Variants in ADAMTS12 observed in about 807,000 individuals in gnomAD.
ADAMTS12 encodes ADAM metallopeptidase with thrombospondin type 1 motif 12.
ADAMTS12 carries 118 observed loss-of-function variants against 167.8 expected under a neutral mutation model. That is an observed-to-expected ratio of 0.70 (90% confidence interval 0.61 to 0.82). ADAMTS12 has a LOEUF of 0.82. Ranked by LOEUF, ADAMTS12 falls within the 40% of genes least tolerant of loss-of-function variation. The pLI, the probability that ADAMTS12 is intolerant of heterozygous loss-of-function variation, is 0.00. For missense variants in ADAMTS12, 1,916 were observed against 1,998.8 expected, an observed-to-expected ratio of 0.96 and a Z score of 0.79; for synonymous variants, 704 against 716.9, an observed-to-expected ratio of 0.98 and a Z score of 0.29.
intron 5 of ADAMTS12, among the ~76,000 whole-genome samples, chr5:33,677,795 G>C (rs576263563): frequency 2.6e-5 from 4 of 152,176 alleles, no homozygotes; most frequent in African/African-American, 9.6e-5. Flanking sequence ...TTTTGTATAC[G>C]TCAGTTACCT....
At chr5:33,642,505 A>AT (rs895485018) in intron 10 of ADAMTS12, among the ~76,000 whole-genome samples, 4 of 152,218 alleles carry the variant, frequency 2.6e-5, no homozygotes, top group African/African-American at 9.6e-5. Flanking sequence ...TCTTCATTAC[A>AT]TCAAGAAAAA....
At chr5:33,839,377 A>G (rs1748656137) in intron 2 of ADAMTS12, among the ~76,000 whole-genome samples, 1 of 152,192 alleles carries the variant, frequency 6.6e-6, no homozygotes, top group Non-Finnish European at 1.5e-5. Context: ...GTTTAACCGT[A>G]TTTTAGACCT....
At chr5:33,621,271 G>T (rs753914369) in intron 14 of ADAMTS12, among the ~76,000 whole-genome samples, 7 of 151,878 alleles carry the variant, frequency 4.6e-5, no homozygotes, top group African/African-American at 1.7e-4. Context: ...GTGGTGTCAC[G>T]CACCTGTAAT....
chr5:33,782,504 A>C (rs1477310139), intron 2 of ADAMTS12, among the ~76,000 whole-genome samples: 2 of 152,094 alleles, frequency 1.3e-5, no homozygotes, highest in South Asian at 2.1e-4. Flanking sequence ...TTGTCATATA[A>C]AATAAAAAAG....
intron 2 of ADAMTS12, among the ~76,000 whole-genome samples, chr5:33,874,319 G>A (rs149428926): frequency 6.6e-6 from 1 of 152,238 alleles, no homozygotes; most frequent in Admixed American, 6.5e-5. Context: ...CATATGAAAT[G>A]ATATCCCATA....
At chr5:33,789,715 G>C (rs1399077316) in intron 2 of ADAMTS12, among the ~76,000 whole-genome samples, 1 of 152,116 alleles carries the variant, frequency 6.6e-6, no homozygotes, top group Non-Finnish European at 1.5e-5. Context: ...GCTGTGGCTG[G>C]CTTTTCTTTA....
chr5:33,596,800 T>G (rs1017939891), intron 16 of ADAMTS12, among the ~76,000 whole-genome samples: 1 of 152,244 alleles, frequency 6.6e-6, no homozygotes, highest in African/African-American at 2.4e-5. Flanking sequence ...TATTAGTTGA[T>G]GTCAGTAAAT....
intron 2 of ADAMTS12, among the ~76,000 whole-genome samples, chr5:33,793,715 G>A (rs1178455116): frequency 6.6e-6 from 1 of 152,064 alleles, no homozygotes; most frequent in East Asian, 1.9e-4. Context: ...GGCAGTCACA[G>A]GCCTCACTCA....
chr5:33,815,882 G>A (rs951880225), intron 2 of ADAMTS12, among the ~76,000 whole-genome samples: 2 of 152,112 alleles, frequency 1.3e-5, no homozygotes, highest in African/African-American at 4.8e-5. Context: ...AGCTGGTGTG[G>A]ACCAGCATCC....
chr5:33,762,440 G>C lies in ADAMTS12; in HGVS notation c.490-10892C>G, dbSNP rs1000251525. Among the ~76,000 whole-genome samples, 6 of 152,010 alleles carry C rather than the reference G, an allele frequency of 3.9e-5. No individual in the cohort carries two copies. The East Asian group carries it at 1.2e-3, about 29-fold the overall frequency. ...GGAGAATGGTGTGAACCCGGGAGGC[G>C]GGGGTTGCAGTGAGCCGAGATCGTG... On this transcript the variant is annotated intron_variant, in intron 2 of 23. Transcript: ENST00000504830.
At chr5:33,540,908 A>T (rs1379744046) in intron 22 of ADAMTS12, among the ~76,000 whole-genome samples, 1 of 152,222 alleles carries the variant, frequency 6.6e-6, no homozygotes, top group Non-Finnish European at 1.5e-5. Flanking sequence ...AAAATTCTAA[A>T]AACTGGAGTT....
At chr5:33,862,977 C>T (rs182160988) in intron 2 of ADAMTS12, among the ~76,000 whole-genome samples, 2 of 152,100 alleles carry the variant, frequency 1.3e-5, no homozygotes, top group African/African-American at 2.4e-5. Context: ...AAAAGGCCTT[C>T]GATAAAATTC....
At chr5:33,751,123 AT>A (rs1469985636) in intron 3 of ADAMTS12, 1 of 493,878 alleles carries the variant, frequency 2.0e-6, no homozygotes, top group African/African-American at 2.0e-5. Flanking sequence ...TAAATGTCTT[AT>A]GAGCATCATC....
At chr5:33,627,808 A>G (rs1043439360) in intron 13 of ADAMTS12, among the ~76,000 whole-genome samples, 8 of 152,276 alleles carry the variant, frequency 5.3e-5, no homozygotes, top group African/African-American at 1.2e-4. Flanking sequence ...TATCACTGAG[A>G]TGGCCAAAAT....
At chr5:33,639,235 A>G (rs183397131) in intron 11 of ADAMTS12, among the ~76,000 whole-genome samples, 1 of 152,336 alleles carries the variant, frequency 6.6e-6, no homozygotes, top group East Asian at 1.9e-4. Flanking sequence ...GTGAATAATA[A>G]TCAACCAGCA....
intron 2 of ADAMTS12, among the ~76,000 whole-genome samples, chr5:33,767,523 C>G (rs1745581320): frequency 6.6e-6 from 1 of 151,844 alleles, no homozygotes; most frequent in South Asian, 2.1e-4. Flanking sequence ...TTATACTTTT[C>G]TAAATGCAAT....
chr5:33,562,573 G>A (rs1426636638), intron 19 of ADAMTS12, among the ~76,000 whole-genome samples: 1 of 150,874 alleles, frequency 6.6e-6, no homozygotes, highest in Non-Finnish European at 1.5e-5. Flanking sequence ...GGTTTCTTTT[G>A]ATAGGCTGTA....
chr5:33,771,835 TTTC>T, intron 2 of ADAMTS12, among the ~76,000 whole-genome samples: 1 of 151,700 alleles, frequency 6.6e-6, no homozygotes, highest in African/African-American at 2.4e-5. Context: ...TCTTTCTTTC[TTTC>T]TTTTTTTTTT....
intron 16 of ADAMTS12, chr5:33,603,645 C>G (rs920748890): frequency 6.6e-6 from 1 of 152,182 alleles, no homozygotes; most frequent in African/African-American, 2.4e-5. Context: ...GAGCACTAAA[C>G]TGTGGAAAGT....
Sources: allele counts gnomAD v4.1 joint callset (sites outside exome capture counted in the v4.1 genomes callset), GRCh38; gene constraint gnomAD v4.1.1; transcripts MANE v1.5; gene names NCBI Gene and HGNC (gene_info 2026-07-23, HGNC 2026-07-21).